Variants in NDUFA5 observed in about 807,000 individuals in gnomAD.
NDUFA5 encodes NADH dehydrogenase [ubiquinone] 1 alpha subcomplex subunit 5.
Under a neutral mutation model 19.8 loss-of-function variants are expected in NDUFA5, and 11 were observed. The ratio of observed to expected loss-of-function variants is 0.56; its 90% CI spans 0.35 to 0.92. The LOEUF (loss-of-function observed/expected upper bound fraction) is 0.92. Among genes scored for constraint, NDUFA5 ranks in the 40% least tolerant of loss-of-function variants. NDUFA5 has a pLI of 0.01. For missense variants in NDUFA5, 109 were observed against 134.2 expected (o/e 0.81, Z 0.93); for synonymous variants, 47 against 46.8 (o/e 1.00, Z -0.01).
upstream of NDUFA5, among the ~76,000 whole-genome samples, chr7:123,559,575 G>A (rs187345775): frequency 6.6e-5 from 10 of 152,138 alleles, no homozygotes; most frequent in Admixed American, 3.3e-4. Flanking sequence ...AGAAAACTTC[G>A]GCTGGGCCTG....
At chr7:123,560,453 T>C (rs1170169035), upstream of NDUFA5, among the ~76,000 whole-genome samples, 1 of 152,168 alleles carries the variant, frequency 6.6e-6, no homozygotes, top group East Asian at 1.9e-4. Context: ...CACACATACA[T>C]ACAATTAAAA....
At chr7:123,597,781 A>C in the NDUFA5 span, among the ~76,000 whole-genome samples, 1 of 152,156 alleles carries the variant, frequency 6.6e-6, no homozygotes, top group Non-Finnish European at 1.5e-5. Flanking sequence ...CAGTGAGCTG[A>C]GATCGCACCA....
At chr7:123,575,616 A>C in the NDUFA5 span, among the ~76,000 whole-genome samples, 1 of 151,976 alleles carries the variant, frequency 6.6e-6, no homozygotes, top group South Asian at 2.1e-4. Context: ...TGTCATAGTT[A>C]CCCAAGCCAT....
At chr7:123,569,668 GA>G in the NDUFA5 span, among the ~76,000 whole-genome samples, 1 of 152,172 alleles carries the variant, frequency 6.6e-6, no homozygotes. Flanking sequence ...AGCTGAACAA[GA>G]AGATGAACCC....
chr7:123,570,029 CTTTT>C, the NDUFA5 span, among the ~76,000 whole-genome samples: 47 of 88,194 alleles, frequency 5.3e-4, no homozygotes, highest in African/African-American at 1.8e-3. Context: ...ACTGCCATAG[CTTTT>C]TTTTTTTTTT....
At chr7:123,554,557 T>C (rs1000510518) in intron 2 of NDUFA5, 2 of 149,848 alleles carry the variant, frequency 1.3e-5, no homozygotes, top group East Asian at 1.9e-4. Context: ...TCCCACTCTA[T>C]CCTTTCTTCA....
intron 2 of NDUFA5, chr7:123,556,365 CAG>C (rs1222665885): frequency 1.3e-5 from 2 of 152,680 alleles, no homozygotes; most frequent in Non-Finnish European, 1.5e-5. Flanking sequence ...AATCTGTTGT[CAG>C]TGTATAGGTG....
chr7:123,551,556 T>A (rs1404621957), intron 2 of NDUFA5: 8 of 931,510 alleles, frequency 8.6e-6, no homozygotes, highest in East Asian at 1.2e-4. Flanking sequence ...TTTTTTTTTT[T>A]AATTTTTCTT....
rs748961684 is a variant in NDUFA5 at position 123,557,768 on chromosome 7, G to C, written c.21+7C>G. 13 of 1,613,486 alleles carry C rather than the reference G, an allele frequency of 8.1e-6. No homozygotes were observed. Among genetic ancestry groups the C allele is most frequent in the Admixed American group, 3.3e-5 (2 of 59,958 alleles). On this transcript the variant is annotated splice_region_variant and intron_variant, in intron 1 of 4. Transcript: ENST00000355749. ...TAAATTCCAACAGTGACCTCCATTC[G>C]TCTCACCTTCTTCAGCACACCCGCC... is the stretch of plus-strand genomic sequence containing the variant.
chr7:123,547,840 A>G (rs1294872405), intron 3 of NDUFA5, among the ~76,000 whole-genome samples: 3 of 152,186 alleles, frequency 2.0e-5, no homozygotes, highest in Non-Finnish European at 4.4e-5. Context: ...TAAACTTGAT[A>G]AGGTACCATG....
chr7:123,565,687 C>A, the NDUFA5 span, among the ~76,000 whole-genome samples: 1 of 151,620 alleles, frequency 6.6e-6, no homozygotes, highest in Non-Finnish European at 1.5e-5. Flanking sequence ...TCAAGACCAG[C>A]CCGGCCAACA....
At chr7:123,586,665 C>T in the NDUFA5 span, among the ~76,000 whole-genome samples, 1 of 151,574 alleles carries the variant, frequency 6.6e-6, no homozygotes, top group African/African-American at 2.4e-5. Context: ...CAGCCAACCC[C>T]ATTTTTCTTC....
the NDUFA5 span, among the ~76,000 whole-genome samples, chr7:123,596,076 A>G: frequency 6.6e-6 from 1 of 152,198 alleles, no homozygotes; most frequent in African/African-American, 2.4e-5. Context: ...CTCAGTACTT[A>G]TACTGTTCTA....
At chr7:123,545,738 T>C (rs1798109346) in intron 3 of NDUFA5, 62 bp from the exon 4 acceptor site, 2 of 988,754 alleles carry the variant, frequency 2.0e-6, no homozygotes, top group Admixed American at 2.8e-5. Flanking sequence ...CAATATCCTA[T>C]ATATTTTAAA....
chr7:123,570,184 G>A, the NDUFA5 span, among the ~76,000 whole-genome samples: 2 of 151,740 alleles, frequency 1.3e-5, no homozygotes, highest in East Asian at 1.9e-4. Context: ...ACAGGCGCCC[G>A]CCACCATGCC....
chr7:123,552,634 ACT>A (rs1168074426), intron 2 of NDUFA5, among the ~76,000 whole-genome samples: 11 of 146,376 alleles, frequency 7.5e-5, no homozygotes, highest in African/African-American at 2.9e-4. Context: ...TTAAAGTATA[ACT>A]AAAAAAAAAA....
chr7:123,543,293 T>C (rs1423585606), intron 4 of NDUFA5, among the ~76,000 whole-genome samples: 3 of 152,218 alleles, frequency 2.0e-5, no homozygotes, highest in Non-Finnish European at 4.4e-5. Flanking sequence ...GGAGGTCACC[T>C]AGGCCTCATT....
intron 2 of NDUFA5, chr7:123,556,530 G>C (rs1798546251): frequency 5.8e-6 from 1 of 171,156 alleles, no homozygotes; most frequent in Non-Finnish European, 1.3e-5. Flanking sequence ...CAAAGAGTAG[G>C]GGGAAAAAAT....
the NDUFA5 span, among the ~76,000 whole-genome samples, chr7:123,591,238 T>A: frequency 1.3e-5 from 2 of 152,208 alleles, no homozygotes; most frequent in Non-Finnish European, 2.9e-5. Flanking sequence ...AATCATGTCA[T>A]CTGCAAATAC....
Sources: gnomAD v4.1 joint callset for allele counts (sites outside exome capture counted in the v4.1 genomes callset) on GRCh38, gnomAD v4.1.1 for gene constraint, MANE v1.5 for transcripts, NCBI Gene and HGNC (gene_info 2026-07-23, HGNC 2026-07-21) for gene names.